TUSC3: variants seen among roughly 807,000 people sequenced by gnomAD.
TUSC3 encodes the protein tumor suppressor candidate 3, also known as dolichyl-diphosphooligosaccharide--protein glycosyltransferase subunit TUSC3.
In TUSC3, 45 loss-of-function variants were observed where a neutral mutation model predicts 44.8. The ratio of observed to expected loss-of-function variants is 1.00; its 90% CI spans 0.79 to 1.29. The LOEUF is 1.29. TUSC3 is among the 50% of genes most tolerant of loss of function. The pLI is 0.00. For synonymous variants in TUSC3, 212 were observed against 152.9 expected (o/e 1.39, Z -2.85); for missense variants, 519 against 437.9 (o/e 1.19, Z -1.65).
At chr8:15,448,740 A>G (rs1478443982) in intron 1 of TUSC3, among the ~76,000 whole-genome samples, 1 of 152,196 alleles carries the variant, frequency 6.6e-6, no homozygotes, top group Non-Finnish European at 1.5e-5. Flanking sequence ...AATTGCAGCA[A>G]AAAGATATTT....
At chr8:15,498,787 A>T (rs779384029) in intron 2 of TUSC3, among the ~76,000 whole-genome samples, 1 of 152,100 alleles carries the variant, frequency 6.6e-6, no homozygotes. Flanking sequence ...CCCAGTTGAC[A>T]TGTAGAGACT....
intron 2 of TUSC3, among the ~76,000 whole-genome samples, chr8:15,523,464 C>G (rs768205946): frequency 1.3e-5 from 2 of 151,802 alleles, no homozygotes; most frequent in East Asian, 1.9e-4. Context: ...AATGCATAAC[C>G]TCTTTGAGGA....
chr8:15,850,132 C>A, the TUSC3 span, among the ~76,000 whole-genome samples: 1 of 147,274 alleles, frequency 6.8e-6, no homozygotes, highest in African/African-American at 2.5e-5. Context: ...TTTGCCATAG[C>A]TTGTTTTTCA....
the TUSC3 span, among the ~76,000 whole-genome samples, chr8:15,847,420 T>C: frequency 6.6e-6 from 1 of 152,110 alleles, no homozygotes; most frequent in Non-Finnish European, 1.5e-5. Context: ...TCACTCGAAA[T>C]GTTTGGGTTT....
intron 2 of TUSC3, among the ~76,000 whole-genome samples, chr8:15,509,616 A>C (rs938860576): frequency 3.3e-5 from 5 of 152,160 alleles, no homozygotes; most frequent in African/African-American, 4.8e-5. Flanking sequence ...TCAAAAAAAA[A>C]AATCATAATA....
chr8:15,749,318 G>C (rs1248671936), intron 9 of TUSC3, among the ~76,000 whole-genome samples: 4 of 152,022 alleles, frequency 2.6e-5, no homozygotes, highest in Admixed American at 6.6e-5. Context: ...GACATTTTTA[G>C]AACGTTTCCA....
chr8:15,566,144 C>T (rs1042036629), intron 1 of TUSC3, among the ~76,000 whole-genome samples: 8 of 152,114 alleles, frequency 5.3e-5, no homozygotes, highest in African/African-American at 4.8e-5. Context: ...CTCTAGACAA[C>T]GTTATCAGAA....
In TUSC3 at chr8:15,757,831, G is replaced by A. The variant is rs1455883510; in HGVS notation, c.*22G>A. The A allele has an allele frequency of 1.4e-6, 2 of 1,395,038 alleles. No individual in the cohort carries two copies. Among genetic ancestry groups the A allele is most frequent in the Non-Finnish European group, 2.0e-6 (2 of 980,476 alleles). The allele number at this position is 1,395,038 out of a possible 1,614,324, so 86.4% of individuals were successfully genotyped here. On this transcript the variant is annotated 3_prime_UTR_variant, in exon 10 of 11. Coordinates refer to ENST00000503731, the MANE Select transcript of TUSC3 (RefSeq NM_006765.4). The stretch of plus-strand genomic sequence containing the variant: ...GTGAGAAGATGTGATTTGGACCATG[G>A]CACTTAAAAACTCTATAACCTCAGG...
chr8:15,507,498 G>A (rs986655954), intron 2 of TUSC3, among the ~76,000 whole-genome samples: 9 of 152,178 alleles, frequency 5.9e-5, no homozygotes, highest in African/African-American at 1.7e-4. Context: ...GTATTTTTCA[G>A]ATTCTAGCTA....
the TUSC3 span, among the ~76,000 whole-genome samples, chr8:15,851,669 G>T: frequency 6.6e-6 from 1 of 152,162 alleles, no homozygotes; most frequent in African/African-American, 2.4e-5. Context: ...TCAGATCAAG[G>T]TTAATGACAT....
chr8:15,644,238 C>A (rs970567918), intron 2 of TUSC3, among the ~76,000 whole-genome samples: 1 of 152,066 alleles, frequency 6.6e-6, no homozygotes, highest in South Asian at 2.1e-4. Context: ...AGAACAGTGC[C>A]CTGCAGTTAT....
rs181379123 is a variant in TUSC3, at chr8:15,594,947, A to C, written c.139-28133A>C. Among the ~76,000 whole-genome samples the C allele has an allele frequency of 1.6e-3, 244 of 152,218 alleles. 3 individuals carry two copies. Among genetic ancestry groups the C allele is most frequent in the South Asian group, 5.4e-3 (26 of 4,832 alleles). Reference sequence around the variant, plus strand: ...CTGGATGCGCGTCATCTTCACTGCAATTGAGGGACCCTGGAAAGTTGTCTA... The same window carrying C: ...CTGGATGCGCGTCATCTTCACTGCACTTGAGGGACCCTGGAAAGTTGTCTA... On this transcript the variant is annotated intron_variant, in intron 1 of 10. Coordinates refer to ENST00000503731, the MANE Select transcript of TUSC3 (RefSeq NM_006765.4).
chr8:15,615,676 C>A (rs1273082431), intron 1 of TUSC3, among the ~76,000 whole-genome samples: 1 of 152,116 alleles, frequency 6.6e-6, no homozygotes, highest in Non-Finnish European at 1.5e-5. Context: ...ATTCTAATTA[C>A]CCTGATTTAA....
At chr8:15,484,420 T>G (rs923321507) in intron 2 of TUSC3, among the ~76,000 whole-genome samples, 1 of 152,236 alleles carries the variant, frequency 6.6e-6, no homozygotes, top group Non-Finnish European at 1.5e-5. Flanking sequence ...ATAAAGGTAC[T>G]GAAGTAAATA....
chr8:15,460,367 C>G (rs142453447), intron 1 of TUSC3, among the ~76,000 whole-genome samples: 4 of 152,112 alleles, frequency 2.6e-5, no homozygotes, highest in Non-Finnish European at 5.9e-5. Flanking sequence ...ATGTTATTAG[C>G]CCAGTTTTCT....
chr8:15,744,568 A>ATG (rs1811324944), intron 8 of TUSC3, among the ~76,000 whole-genome samples: 1 of 151,768 alleles, frequency 6.6e-6, no homozygotes, highest in Admixed American at 6.6e-5. Context: ...CTAGGGTGAC[A>ATG]TGTGTGTAAA....
intron 1 of TUSC3, among the ~76,000 whole-genome samples, chr8:15,448,266 G>A (rs1002306723): frequency 3.0e-4 from 45 of 151,640 alleles, no homozygotes. Context: ...TCACAGATGT[G>A]TGCAACCACA....
chr8:15,621,738 A>G (rs1805256071), intron 1 of TUSC3, among the ~76,000 whole-genome samples: 1 of 150,526 alleles, frequency 6.6e-6, no homozygotes, highest in East Asian at 1.9e-4. Context: ...GTTAAGATCA[A>G]TTTCAGTTGA....
intron 2 of TUSC3, among the ~76,000 whole-genome samples, chr8:15,643,142 T>C (rs1484840160): frequency 8.5e-5 from 13 of 152,184 alleles, no homozygotes; most frequent in Admixed American, 8.5e-4. Context: ...TCCTGCCGCC[T>C]TGTGAAGAAG....
Sources: allele counts gnomAD v4.1 joint callset (sites outside exome capture counted in the v4.1 genomes callset), GRCh38; gene constraint gnomAD v4.1.1; transcripts MANE v1.5; gene names NCBI Gene and HGNC (gene_info 2026-07-23, HGNC 2026-07-21).